USP6NL: variants seen among roughly 807,000 people sequenced by gnomAD.
USP6NL encodes USP6 N-terminal like.
In USP6NL, 26 loss-of-function variants were observed where a neutral mutation model predicts 61.9. That is an observed-to-expected ratio of 0.42 (90% confidence interval 0.31 to 0.58). The LOEUF (loss-of-function observed/expected upper bound fraction) is 0.58. Ranked by LOEUF, USP6NL falls within the 20% of genes least tolerant of loss-of-function variation. The pLI, the probability that USP6NL is intolerant of heterozygous loss-of-function variation, is 0.16. For synonymous variants in USP6NL, 432 were observed against 390.1 expected (o/e 1.11, Z -1.27); for missense variants, 1,114 against 1,034.3 (o/e 1.08, Z -1.06).
Position 11,485,227 on chromosome 10 carries a change from T to C in USP6NL, c.767A>G (p.Gln256Arg). The C allele has an allele frequency of 1.3e-6, 2 of 1,521,068 alleles. No individual in the cohort carries two copies. Among genetic ancestry groups the C allele is most frequent in the Non-Finnish European group, 1.8e-6 (2 of 1,139,198 alleles). 94.2% of individuals were successfully genotyped at this position (1,521,068 alleles called of 1,614,324 possible). A position where few individuals can be genotyped will look rare whatever the true frequency, so the allele number is the denominator to read the frequency against. Residue 256 changes from glutamine (Q) to arginine (R), a missense_variant, in exon 12 of 15, where the codon CAA becomes CGA. Physicochemically the swap from Gln to Arg is conservative, Grantham distance 43 (BLOSUM62 1). Coordinates refer to ENST00000609104, the MANE Select transcript of USP6NL (RefSeq NM_014688.5). This position sits in a 1 kb window ranked among gnomAD's most constrained non-coding sequence, Gnocchi z 4.8. ...TGTGTAAAAACTTGTGTAGATTTCT[T>C]GAGAATCCTGAAAAAACAAAGAGCT... The part of the protein sequence containing the change: ...LSKLKQHLDS[Q>R]EIYTSFYTMK...
chr10:11,582,430 T>C (rs1266914383), intron 2 of USP6NL, among the ~76,000 whole-genome samples: 1 of 152,226 alleles, frequency 6.6e-6, no homozygotes, highest in African/African-American at 2.4e-5. Flanking sequence ...AGGAAAAATA[T>C]AGTCACTTCA....
intron 14 of USP6NL, among the ~76,000 whole-genome samples, chr10:11,466,937 T>C (rs1832490057): frequency 6.6e-6 from 1 of 152,262 alleles, no homozygotes; most frequent in African/African-American, 2.4e-5. Flanking sequence ...AGTCCACTGT[T>C]GACCGAAAGT....
rs1432724651 is a variant in USP6NL at position 11,478,209 on chromosome 10, C to T, written c.1078+3561G>A. 6.6e-6 allele frequency among the ~76,000 whole-genome samples: 1 copy of T among 152,228 alleles called. No individual in the cohort carries two copies. Among genetic ancestry groups the T allele is most frequent in the African/African-American group, 2.4e-5 (1 of 41,462 alleles). On this transcript the variant is annotated intron_variant, in intron 14 of 14. Transcript: ENST00000609104. The surrounding 1 kb of genome is among the most constrained non-coding windows in gnomAD (Gnocchi z 6.8). ...CCCTGCTTTGACTCTGTTTGGGTCT[C>T]CTCTGCAGAGCCCCTGCTTAGGCTC...
rs564412316 is a variant in USP6NL at position 11,467,760 on chromosome 10, TAATA to T, written c.1079-3915_1079-3912del. Among the ~76,000 whole-genome samples the T allele has an allele frequency of 4.1e-4, 62 of 152,310 alleles. 1 individual carries two copies. The South Asian group carries it at 0.01, about 25-fold the overall frequency. ...GAAAGAAATAAACGCTAGTAGTCAT[TAATA>T]TAGTTTTTAAATGCTCTTAGATTGA... On this transcript the variant is annotated intron_variant, in intron 14 of 14. Coordinates refer to ENST00000609104, the MANE Select transcript of USP6NL (RefSeq NM_014688.5).
intron 7 of USP6NL, 93 bp downstream of exon 7, chr10:11,501,008 T>A (rs1231611989): frequency 1.1e-6 from 1 of 946,064 alleles, no homozygotes; most frequent in East Asian, 2.8e-5. Context: ...TAATTTTAAG[T>A]GATCATATGA....
At chr10:11,502,863 C>T (rs1190264730) in intron 6 of USP6NL, among the ~76,000 whole-genome samples, 1 of 152,048 alleles carries the variant, frequency 6.6e-6, no homozygotes, top group Non-Finnish European at 1.5e-5. Context: ...TAGATAGTGA[C>T]TACAGTCATA....
In USP6NL at chr10:11,481,585, T is replaced by C. The variant is rs746239926; in HGVS notation, c.1078+185A>G. On this transcript the variant is annotated intron_variant, in intron 14 of 14. Transcript: ENST00000609104. This position sits in a 1 kb window ranked among gnomAD's most constrained non-coding sequence, Gnocchi z 4.4. ...TTAGGAGAGGCAGATTTAATTAATA[T>C]GTTTATTTGCCTTTCCCTAAAATAA... Among the ~76,000 whole-genome samples the C allele has an allele frequency of 6.3e-4, 96 of 152,172 alleles. 1 individual carries two copies. Among genetic ancestry groups the C allele is most frequent in the Admixed American group, 1.3e-4 (2 of 15,280 alleles).
chr10:11,500,914 T>C (rs1290826155), intron 7 of USP6NL, among the ~76,000 whole-genome samples, 187 bp downstream of exon 7: 1 of 152,250 alleles, frequency 6.6e-6, no homozygotes, highest in Non-Finnish European at 1.5e-5. Context: ...TTTACTGAAG[T>C]ATCTATTTAA....
rs1276901989 is a variant in USP6NL, at chr10:11,561,079, G to A, written c.5-33512C>T. Among the ~76,000 whole-genome samples the A allele has an allele frequency of 6.6e-6, 1 of 152,088 alleles. No individual in the cohort carries two copies. Among genetic ancestry groups the A allele is most frequent in the East Asian group, 1.9e-4 (1 of 5,202 alleles). ...CCCTGAATATCTCATTAGGCCCTGA[G>A]TTGCAAAGAAAAAACATTTAGTATA... On this transcript the variant is annotated intron_variant, in intron 2 of 14. Transcript: ENST00000609104. This position sits in a 1 kb window ranked among gnomAD's most constrained non-coding sequence, Gnocchi z 4.1.
rs1237059877 is a variant in USP6NL, at chr10:11,513,806, T to C, written c.196-4131A>G. ...CCCCAAGACTGTTCTTTATAGCTGG[T>C]TTTTTCTGTGGTGTGGGCAACTCGG... On this transcript the variant is annotated intron_variant, in intron 5 of 14. Coordinates refer to ENST00000609104, the MANE Select transcript of USP6NL (RefSeq NM_014688.5). This position sits in a 1 kb window ranked among gnomAD's most constrained non-coding sequence, Gnocchi z 4.7. 3.9e-5 allele frequency among the ~76,000 whole-genome samples: 6 copies of C among 152,250 alleles called. No homozygotes were observed. Among genetic ancestry groups the C allele is most frequent in the South Asian group, 4.1e-4 (2 of 4,824 alleles).
At position 11,470,992 on chromosome 10, in the gene USP6NL, C is replaced by T. The variant is rs1270335583; in HGVS notation, c.1079-7143G>A. On this transcript the variant is annotated intron_variant, in intron 14 of 14. Coordinates refer to ENST00000609104, the MANE Select transcript of USP6NL (RefSeq NM_014688.5). This position sits in a 1 kb window ranked among gnomAD's most constrained non-coding sequence, Gnocchi z 5.4. ...CGAGGTCAGGAGATGGAGACCATCC[C>T]GGCCAACATGGTGAAACCCAGTCTC... Among the ~76,000 whole-genome samples the T allele has an allele frequency of 2.6e-5, 4 of 151,932 alleles. No individual in the cohort carries two copies. The South Asian group carries it at 6.2e-4, about 24-fold the overall frequency.
At chr10:11,554,326 A>G (rs1042914215) in intron 2 of USP6NL, among the ~76,000 whole-genome samples, 5 of 152,204 alleles carry the variant, frequency 3.3e-5, no homozygotes, top group Admixed American at 6.5e-5. Context: ...TGAGAAATCA[A>G]CCCAAAATCT....
intron 8 of USP6NL, among the ~76,000 whole-genome samples, chr10:11,492,349 G>GT (rs1833739866): frequency 1.3e-5 from 2 of 152,206 alleles, no homozygotes; most frequent in African/African-American, 4.8e-5. Context: ...CACTGGGAAC[G>GT]TATTTTGTAG....
chr10:11,462,258 A>G lies in USP6NL; in HGVS notation c.*183T>C, dbSNP rs2096217231. ...AACAGGTCAGTGATGATGCAATTGAAACGCTCATCTTAAGCAGCATCTACG... is the reference window on the plus strand; with the variant it reads ...AACAGGTCAGTGATGATGCAATTGAGACGCTCATCTTAAGCAGCATCTACG... On this transcript the variant is annotated 3_prime_UTR_variant, in exon 15 of 15. Transcript: ENST00000609104. 1 of 709,542 alleles carries G rather than the reference A, an allele frequency of 1.4e-6. No homozygotes were observed. Among genetic ancestry groups the G allele is most frequent in the Admixed American group, 3.1e-5 (1 of 31,900 alleles). The allele number at this position is 709,542 out of a possible 1,614,324, so 44.0% of individuals were successfully genotyped here.
chr10:11,465,464 C>T lies in USP6NL; in HGVS notation c.1079-1615G>A, dbSNP rs1832410913. On this transcript the variant is annotated intron_variant, in intron 14 of 14. Coordinates refer to ENST00000609104, the MANE Select transcript of USP6NL (RefSeq NM_014688.5). This position sits in a 1 kb window ranked among gnomAD's most constrained non-coding sequence, Gnocchi z 4.5. ...CCTGGAAGCTGCCTCACTTCTCCAC[C>T]ACTCACTGGCCTGCAGAGAGCCACC... 6.6e-6 allele frequency among the ~76,000 whole-genome samples: 1 copy of T among 152,204 alleles called. No homozygotes were observed. The highest frequency in any genetic ancestry group is 2.1e-4 in the South Asian group (1 of 4,830).
At chr10:11,603,754 G>A (rs1838625989) in intron 1 of USP6NL, among the ~76,000 whole-genome samples, 1 of 152,160 alleles carries the variant, frequency 6.6e-6, no homozygotes, top group Non-Finnish European at 1.5e-5. Context: ...CCAGCCATCT[G>A]CAGCTAACAG....
At chr10:11,527,288 G>T (rs113005773) in intron 3 of USP6NL, among the ~76,000 whole-genome samples, 147 of 152,300 alleles carry the variant, frequency 9.7e-4, no homozygotes, top group African/African-American at 3.4e-3. Context: ...TGAGGCAGGA[G>T]CAAGTCTGGT....
In USP6NL at chr10:11,528,304, CA is replaced by C. The variant is rs66717319; in HGVS notation, c.5-738del. ...AGACTATATAAAAGGCTTCTCTTAC[CA>C]AAAAAAAAAAGCATTCTAAGAGAAA... On this transcript the variant is annotated intron_variant, in intron 2 of 14. Coordinates refer to ENST00000609104, the MANE Select transcript of USP6NL (RefSeq NM_014688.5). This position sits in a 1 kb window ranked among gnomAD's most constrained non-coding sequence, Gnocchi z 4.6. 0.13 allele frequency among the ~76,000 whole-genome samples: 17,154 copies of C among 135,186 alleles called. 1,254 individuals are homozygous for C. The highest frequency in any genetic ancestry group is 0.18 in the East Asian group (834 of 4,744). The allele number at this position is 135,186 out of a possible 152,430, so 88.7% of individuals were successfully genotyped here.
chr10:11,482,289 G>T lies in USP6NL; in HGVS notation c.926-367C>A, dbSNP rs539206202. Among the ~76,000 whole-genome samples, 1 of 152,268 alleles carries T rather than the reference G, an allele frequency of 6.6e-6. No individual in the cohort carries two copies. The highest frequency in any genetic ancestry group is 1.9e-4 in the East Asian group (1 of 5,178). On this transcript the variant is annotated intron_variant, in intron 13 of 14. Transcript: ENST00000609104. This position sits in a 1 kb window ranked among gnomAD's most constrained non-coding sequence, Gnocchi z 4.0. Reference sequence around the variant, plus strand: ...TGAGGCCTTTCTCTTTTATTGATACGGAGCTCCAAGAAGCCCCATTTTAAG... The same window carrying T: ...TGAGGCCTTTCTCTTTTATTGATACTGAGCTCCAAGAAGCCCCATTTTAAG...
Sources: allele counts gnomAD v4.1 joint callset (sites outside exome capture counted in the v4.1 genomes callset), GRCh38; gene constraint gnomAD v4.1.1; non-coding constraint Gnocchi (gnomAD v3.1); transcripts MANE v1.5; gene names NCBI Gene and HGNC (gene_info 2026-07-23, HGNC 2026-07-21).